The following KCNH8 variants were observed in gnomAD, a reference collection of about 807,000 sequenced individuals.
The protein encoded by KCNH8 is voltage-gated delayed rectifier potassium channel KCNH8.
In KCNH8, 70 loss-of-function variants were observed where a neutral mutation model predicts 103.6. The observed-to-expected ratio is 0.68, with a 90% CI of 0.56 to 0.82. KCNH8 has a LOEUF of 0.82. Among genes scored for constraint, KCNH8 ranks in the 40% least tolerant of loss-of-function variants. The pLI is 0.00. For synonymous variants in KCNH8, 498 were observed against 489.4 expected, an observed-to-expected ratio of 1.02 and a Z score of -0.23; for missense variants, 1,217 against 1,329.9, an observed-to-expected ratio of 0.92 and a Z score of 1.32.
chr3:19,410,962 A>G (rs752583287), intron 7 of KCNH8, among the ~76,000 whole-genome samples: 1 of 151,708 alleles, frequency 6.6e-6, no homozygotes, highest in Non-Finnish European at 1.5e-5. Flanking sequence ...TACCAATTCC[A>G]CTAGAACTAA....
chr3:19,154,302 A>G (rs1454192300), intron 1 of KCNH8, among the ~76,000 whole-genome samples: 3 of 152,206 alleles, frequency 2.0e-5, no homozygotes, highest in Non-Finnish European at 2.9e-5. Context: ...AATAAGAGGC[A>G]TTTTAAAGGG....
chr3:19,288,284 T>A (rs539853045), intron 3 of KCNH8, among the ~76,000 whole-genome samples: 6 of 150,358 alleles, frequency 4.0e-5, no homozygotes, highest in African/African-American at 1.5e-4. Flanking sequence ...AACATGCAGG[T>A]TTGTTACATA....
chr3:19,282,918 G>A (rs555364293), intron 3 of KCNH8, among the ~76,000 whole-genome samples: 85 of 152,202 alleles, frequency 5.6e-4, no homozygotes, highest in Non-Finnish European at 7.8e-4. Context: ...CATGAAATAT[G>A]TCTACCTCCA....
intron 11 of KCNH8, among the ~76,000 whole-genome samples, chr3:19,506,431 T>C (rs1395083519): frequency 1.3e-5 from 2 of 152,186 alleles, no homozygotes; most frequent in Non-Finnish European, 2.9e-5. Context: ...TTACCAAAAG[T>C]ATTTTTGCTG....
intron 1 of KCNH8, 138 bp downstream of exon 1, chr3:19,148,933 G>A (rs1559397205): frequency 1.3e-6 from 1 of 781,150 alleles, no homozygotes; most frequent in Non-Finnish European, 2.2e-6. Flanking sequence ...TCTTTTGTGC[G>A]GAGAAATTTG....
chr3:19,393,929 T>G (rs893144715), intron 6 of KCNH8, among the ~76,000 whole-genome samples: 1 of 152,104 alleles, frequency 6.6e-6, no homozygotes, highest in Non-Finnish European at 1.5e-5. Context: ...CATTCACTCA[T>G]CTAATAAATA....
intron 3 of KCNH8, among the ~76,000 whole-genome samples, chr3:19,338,771 T>C (rs2065618968): frequency 6.6e-6 from 1 of 152,132 alleles, no homozygotes; most frequent in Non-Finnish European, 1.5e-5. Flanking sequence ...TGATCTTTCA[T>C]TTTTTGCTTT....
chr3:19,273,195 T>A lies in KCNH8; in HGVS notation c.311-8003T>A, dbSNP rs936878795. ...GCCATAGATTCCTCCAACTAAAGCCTTGTGCAATTAGAGAGGGTTAACTTA... is the reference window on the plus strand; with the variant it reads ...GCCATAGATTCCTCCAACTAAAGCCATGTGCAATTAGAGAGGGTTAACTTA... On this transcript the variant is annotated intron_variant, in intron 2 of 15. Transcript: ENST00000328405. 6.6e-5 allele frequency among the ~76,000 whole-genome samples: 10 copies of A among 152,208 alleles called. 1 individual carries two copies. Among genetic ancestry groups the A allele is most frequent in the Non-Finnish European group, 1.3e-4 (9 of 68,018 alleles).
intron 12 of KCNH8, among the ~76,000 whole-genome samples, chr3:19,511,761 C>T (rs2068787205): frequency 6.6e-6 from 1 of 152,034 alleles, no homozygotes; most frequent in Admixed American, 6.6e-5. Context: ...GCCATTTCTT[C>T]AAGAAATTTT....
intron 11 of KCNH8, among the ~76,000 whole-genome samples, chr3:19,473,826 A>C (rs543739970): frequency 4.5e-4 from 68 of 152,342 alleles, no homozygotes; most frequent in Non-Finnish European, 8.8e-5. Context: ...TGAAAGAAGC[A>C]ATGTCTTTAA....
chr3:19,180,249 GACA>G (rs2063438117), intron 1 of KCNH8, among the ~76,000 whole-genome samples: 1 of 7,768 alleles, frequency 1.3e-4, no homozygotes, highest in Non-Finnish European at 3.5e-4. Flanking sequence ...AAAGGGCCAA[GACA>G]GACTTGGCCC....
intron 1 of KCNH8, among the ~76,000 whole-genome samples, chr3:19,215,004 G>A (rs957654791): frequency 3.9e-5 from 6 of 152,240 alleles, no homozygotes; most frequent in Middle Eastern, 3.4e-3. Flanking sequence ...AGGTCTGCAC[G>A]CCCATTATCT....
At chr3:19,389,604 T>C (rs889730437) in intron 5 of KCNH8, among the ~76,000 whole-genome samples, 2 of 151,988 alleles carry the variant, frequency 1.3e-5, no homozygotes, top group African/African-American at 2.4e-5. Flanking sequence ...ATAAGGAATA[T>C]AGATTTCAGA....
At chr3:19,504,847 A>T (rs897524621) in intron 11 of KCNH8, among the ~76,000 whole-genome samples, 1 of 151,984 alleles carries the variant, frequency 6.6e-6, no homozygotes, top group Non-Finnish European at 1.5e-5. Context: ...ATGAATATAC[A>T]TTGTTCTACC....
chr3:19,505,709 C>T (rs1030961903), intron 11 of KCNH8, among the ~76,000 whole-genome samples: 1 of 152,038 alleles, frequency 6.6e-6, no homozygotes, highest in Non-Finnish European at 1.5e-5. Flanking sequence ...GTTGGCCTGT[C>T]TAGAGAGGAT....
At chr3:19,429,707 TC>T (rs2067090769) in intron 7 of KCNH8, among the ~76,000 whole-genome samples, 1 of 152,196 alleles carries the variant, frequency 6.6e-6, no homozygotes, top group Non-Finnish European at 1.5e-5. Flanking sequence ...AGTTGATTTT[TC>T]TGATCCTCTC....
In KCNH8 at chr3:19,429,128, T is replaced by C. The variant is rs546472996; in HGVS notation, c.1178-9036T>C. On this transcript the variant is annotated intron_variant, in intron 7 of 15. Transcript: ENST00000328405. ...TCAAGCCATGAAACAAAGTTACTTA[T>C]ATGTTTTTAAATGCATATGAGTCAG... Among the ~76,000 whole-genome samples the C allele has an allele frequency of 2.0e-5, 3 of 151,820 alleles. No individual in the cohort carries two copies. The East Asian group carries it at 5.8e-4, about 29-fold the overall frequency.
chr3:19,276,919 C>A (rs147263489), intron 2 of KCNH8, among the ~76,000 whole-genome samples: 1 of 152,180 alleles, frequency 6.6e-6, no homozygotes, highest in Non-Finnish European at 1.5e-5. Context: ...GTATTTATTG[C>A]AGCACTATTC....
chr3:19,224,051 A>T (rs2063903267), intron 1 of KCNH8, among the ~76,000 whole-genome samples: 1 of 152,168 alleles, frequency 6.6e-6, no homozygotes, highest in African/African-American at 2.4e-5. Context: ...GCTTCCCTAT[A>T]AGAGAATGTG....
Sources: gnomAD v4.1 joint callset for allele counts (sites outside exome capture counted in the v4.1 genomes callset) on GRCh38, gnomAD v4.1.1 for gene constraint, MANE v1.5 for transcripts, NCBI Gene and HGNC (gene_info 2026-07-23, HGNC 2026-07-21) for gene names.